The following DDHD1 variants were observed in gnomAD, a reference collection of about 807,000 sequenced individuals.
DDHD1 encodes DDHD domain containing 1.
Under a neutral mutation model 96.4 loss-of-function variants are expected in DDHD1, and 49 were observed. The ratio of observed to expected loss-of-function variants is 0.51; its 90% CI spans 0.40 to 0.64. The LOEUF (loss-of-function observed/expected upper bound fraction) is 0.64. DDHD1 is among the 30% of genes least tolerant of loss of function. DDHD1 has a pLI of 0.00. For synonymous variants in DDHD1, 442 were observed against 446.5 expected, an observed-to-expected ratio of 0.99 and a Z score of 0.13; for missense variants, 1,106 against 1,161.2, an observed-to-expected ratio of 0.95 and a Z score of 0.69.
chr14:53,122,740 T>C (rs1166278053), intron 1 of DDHD1, among the ~76,000 whole-genome samples: 7 of 151,934 alleles, frequency 4.6e-5, no homozygotes, highest in Non-Finnish European at 4.4e-5. Context: ...TTTTTTAATT[T>C]TTATTTTTAG....
rs567891354 is a variant in DDHD1, at chr14:53,051,800, C to T, written c.2521+44G>A. The stretch of plus-strand genomic sequence containing the variant: ...ATAAGCAGAAGAACTCTAAGTAGAT[C>T]ATTTTTATAGTATTCTGAATGCTAT... On this transcript the variant is annotated intron_variant, in intron 12 of 12. Transcript: ENST00000673822. 46 of 1,473,536 alleles carry T rather than the reference C, an allele frequency of 3.1e-5. No homozygotes were observed. In the African/African-American group the frequency reaches 4.1e-4, roughly 13 times the overall value. The allele number at this position is 1,473,536 out of a possible 1,614,324, so 91.3% of individuals were successfully genotyped here. A position where few individuals can be genotyped will look rare whatever the true frequency, so the allele number is the denominator to read the frequency against.
At chr14:53,079,261 G>C (rs1006394002) in intron 4 of DDHD1, among the ~76,000 whole-genome samples, 1 of 151,994 alleles carries the variant, frequency 6.6e-6, no homozygotes, top group Non-Finnish European at 1.5e-5. Flanking sequence ...TTTTTAGAGA[G>C]TTTGTAGAGA....
At chr14:53,096,647 A>G (rs1886905065) in intron 2 of DDHD1, among the ~76,000 whole-genome samples, 1 of 151,984 alleles carries the variant, frequency 6.6e-6, no homozygotes, top group Non-Finnish European at 1.5e-5. Context: ...TACATATCTA[A>G]TGCAACCTTC....
intron 1 of DDHD1, among the ~76,000 whole-genome samples, chr14:53,149,324 G>A (rs540211856): frequency 4.1e-4 from 62 of 152,274 alleles, no homozygotes; most frequent in Non-Finnish European, 8.4e-4. Context: ...ATTCTACATA[G>A]GAACTTACTG....
In DDHD1 at chr14:53,152,286, TC is replaced by T; in HGVS notation, c.812del (p.Gly271GlufsTer16). On this transcript the variant is annotated frameshift_variant, in exon 1 of 13. Coordinates refer to ENST00000673822, the MANE Select transcript of DDHD1 (RefSeq NM_001160148.2). LOFTEE classifies it high-confidence loss of function. Reference protein sequence around the residue: ...GGLYEVDVTQGECYPVYWNQA... With the variant: ...GGLYEVDVTQXECYPVYWNQA... ...GGTTCCAGTACACCGGGTAGCACTCTCCTTGGGTCACATCCACCTCGTAGAG... is the reference window on the plus strand; with the variant it reads ...GGTTCCAGTACACCGGGTAGCACTCTCTTGGGTCACATCCACCTCGTAGAG... The T allele has an allele frequency of 6.2e-7, 1 of 1,612,340 alleles. No homozygotes were observed. The highest frequency in any genetic ancestry group is 8.5e-7 in the Non-Finnish European group (1 of 1,179,130).
chr14:53,110,048 C>T (rs1411053536), intron 1 of DDHD1, among the ~76,000 whole-genome samples: 1 of 152,200 alleles, frequency 6.6e-6, no homozygotes, highest in Non-Finnish European at 1.5e-5. Flanking sequence ...CCTGCATTCC[C>T]TATCACAGTG....
At chr14:53,112,170 A>G (rs1888158172) in intron 1 of DDHD1, among the ~76,000 whole-genome samples, 1 of 152,124 alleles carries the variant, frequency 6.6e-6, no homozygotes, top group Non-Finnish European at 1.5e-5. Flanking sequence ...TAATCCCAGC[A>G]CTCTGAGAGG....
At chr14:53,050,888 T>A (rs928304842) in intron 12 of DDHD1, among the ~76,000 whole-genome samples, 8 of 152,008 alleles carry the variant, frequency 5.3e-5, no homozygotes, top group African/African-American at 1.9e-4. Flanking sequence ...CAAATATGAA[T>A]GAATTAATTT....
chr14:53,044,811 T>C lies in DDHD1; in HGVS notation c.*1957A>G, dbSNP rs1385369884. Reference sequence around the variant, plus strand: ...AAAACAGCCAACAGTACTGAAGCACTAAGTAAAACCTACAAGTAAGCCACA... The same window carrying C: ...AAAACAGCCAACAGTACTGAAGCACCAAGTAAAACCTACAAGTAAGCCACA... On this transcript the variant is annotated 3_prime_UTR_variant, in exon 13 of 13. Coordinates refer to ENST00000673822, the MANE Select transcript of DDHD1 (RefSeq NM_001160148.2). 1 of 152,188 alleles carries C rather than the reference T, an allele frequency of 6.6e-6. No individual in the cohort carries two copies. Among genetic ancestry groups the C allele is most frequent in the African/African-American group, 2.4e-5 (1 of 41,456 alleles). The allele number at this position is 152,188 out of a possible 1,614,324, so 9.4% of individuals were successfully genotyped here.
Position 53,063,242 on chromosome 14 carries a change from G to A in DDHD1, c.1504-37C>T, listed in dbSNP as rs763176538. Reference sequence around the variant, plus strand: ...AAGAAAACATTATCATATTAGACTTGTCACTGACTACTATACACTTATTCT... The same window carrying A: ...AAGAAAACATTATCATATTAGACTTATCACTGACTACTATACACTTATTCT... On this transcript the variant is annotated intron_variant, in intron 6 of 12. Transcript: ENST00000673822. 4 of 1,595,604 alleles carry A rather than the reference G, an allele frequency of 2.5e-6. No homozygotes were observed. In the East Asian group the frequency reaches 8.9e-5, roughly 36 times the overall value.
At position 53,047,025 on chromosome 14, in the gene DDHD1, G is replaced by C. The variant is rs1014534044; in HGVS notation, c.2522-76C>G. 2.4e-5 allele frequency: 29 copies of C among 1,202,242 alleles called. No individual in the cohort carries two copies. The African/African-American group carries it at 4.4e-4, about 18-fold the overall frequency. The allele number at this position is 1,202,242 out of a possible 1,614,324, so 74.5% of individuals were successfully genotyped here. On this transcript the variant is annotated intron_variant, in intron 12 of 12. Transcript: ENST00000673822. Reference sequence around the variant, plus strand: ...TTCTATATAGACTTACTGGAGTTGAGAGTAAAAATTTAGCTAAATAGAAGT... The same window carrying C: ...TTCTATATAGACTTACTGGAGTTGACAGTAAAAATTTAGCTAAATAGAAGT...
rs1193084267 is a variant in DDHD1, at chr14:53,103,848, T to C, written c.847A>G (p.Lys283Glu). The C allele has an allele frequency of 5.0e-6, 8 of 1,594,080 alleles. No individual in the cohort carries two copies. The East Asian group carries it at 1.8e-4, about 36-fold the overall frequency. Residue 283 changes from lysine to glutamate, a missense_variant, in exon 2 of 13, where the codon AAA becomes GAA. By Grantham distance (56) the Lys-to-Glu change is moderately conservative (BLOSUM62 1). Around this residue, in one of 2 missense-constraint regions of DDHD1, gnomAD observed 650 missense variants for 758.8 expected, o/e 0.86. Transcript: ENST00000673822. Reference protein sequence around the residue: ...CYPVYWNQADKIPVMRGQWFI... With the variant: ...CYPVYWNQADEIPVMRGQWFI... ...CACTGTCCACGCATTACTGGTATTT[T>C]ATCAGCCTCTGAAAAAGAGAAATCA...
Position 53,052,185 on chromosome 14 carries a change from T to C in DDHD1, c.2438-258A>G, listed in dbSNP as rs1882645259. Among the ~76,000 whole-genome samples, 5 of 152,096 alleles carry C rather than the reference T, an allele frequency of 3.3e-5. 1 individual carries two copies. The South Asian group carries it at 1.0e-3, about 32-fold the overall frequency. On this transcript the variant is annotated intron_variant, in intron 11 of 12. Coordinates refer to ENST00000673822, the MANE Select transcript of DDHD1 (RefSeq NM_001160148.2). ...TTCATAGCTAATTTAGTTCCTAACC[T>C]AGATGCAAAACAATGCTAAAAGAAA... is the stretch of plus-strand genomic sequence containing the variant.
chr14:53,153,135 G>T lies in DDHD1; in HGVS notation c.-37C>A. 1 of 1,363,310 alleles carries T rather than the reference G, an allele frequency of 7.3e-7. No homozygotes were observed. Among genetic ancestry groups the T allele is most frequent in the African/African-American group, 1.5e-5 (1 of 64,834 alleles). 84.5% of individuals were successfully genotyped at this position (1,363,310 alleles called of 1,614,324 possible). A position where few individuals can be genotyped will look rare whatever the true frequency, so the allele number is the denominator to read the frequency against. ...GCCGCCGGCTGTCCGGCGGCGCGCG[G>T]AGCCGTGACCCCCAGCGCTTCCGCC... On this transcript the variant is annotated 5_prime_UTR_variant, in exon 1 of 13. Transcript: ENST00000673822.
At position 53,071,057 on chromosome 14, in the gene DDHD1, CTT is replaced by C. The variant is rs1296225212; in HGVS notation, c.1503+1538_1503+1539del. ...TATAGTACCTGTAATAACAGTAACT[CTT>C]GACTACCATGTGCCACATGTTAATA... On this transcript the variant is annotated intron_variant, in intron 6 of 12. Transcript: ENST00000673822. 6.6e-5 allele frequency among the ~76,000 whole-genome samples: 10 copies of C among 152,186 alleles called. No individual in the cohort carries two copies. In the East Asian group the frequency reaches 1.9e-3, roughly 29 times the overall value.
Position 53,054,564 on chromosome 14 carries a change from T to C in DDHD1, c.2311A>G (p.Thr771Ala). Reference sequence around the variant, plus strand: ...TCTTTTGATGTTTCAGATGACTGTGTTGTAGATGAACGTCCAAATCTTGAG... The same window carrying C: ...TCTTTTGATGTTTCAGATGACTGTGCTGTAGATGAACGTCCAAATCTTGAG... ...LFSRFGRSST[T>A]QSSETSKDSM... Residue 771 changes from threonine (T) to alanine (A), a missense_variant, in exon 11 of 13, where the codon ACA becomes GCA. Around this residue, in one of 2 missense-constraint regions of DDHD1, gnomAD observed 650 missense variants for 758.8 expected, o/e 0.86. Coordinates refer to ENST00000673822, the MANE Select transcript of DDHD1 (RefSeq NM_001160148.2). The C allele has an allele frequency of 6.2e-7, 1 of 1,614,106 alleles. No individual in the cohort carries two copies. Among genetic ancestry groups the C allele is most frequent in the Non-Finnish European group, 8.5e-7 (1 of 1,179,970 alleles).
intron 6 of DDHD1, among the ~76,000 whole-genome samples, chr14:53,064,471 T>C (rs1406455152): frequency 6.6e-6 from 1 of 152,094 alleles, no homozygotes; most frequent in Non-Finnish European, 1.5e-5. Context: ...ACACTACCAG[T>C]AATTAACCTA....
chr14:53,153,227 G>A lies in DDHD1; in HGVS notation c.-129C>T. On this transcript the variant is annotated 5_prime_UTR_variant, in exon 1 of 13. Coordinates refer to ENST00000673822, the MANE Select transcript of DDHD1 (RefSeq NM_001160148.2). ...TCTTTCAAATCCCGACCCGAGCTGC[G>A]GCGGCAGCGGCGACCGCTCCGCCCC... 2.4e-6 allele frequency: 2 copies of A among 829,476 alleles called. No individual in the cohort carries two copies. The highest frequency in any genetic ancestry group is 3.6e-5 in the African/African-American group (2 of 55,300). The allele number at this position is 829,476 out of a possible 1,614,324, so 51.4% of individuals were successfully genotyped here. A position where few individuals can be genotyped will look rare whatever the true frequency, so the allele number is the denominator to read the frequency against.
intron 1 of DDHD1, among the ~76,000 whole-genome samples, chr14:53,118,747 T>C (rs1348866001): frequency 2.0e-5 from 3 of 152,148 alleles, no homozygotes; most frequent in South Asian, 2.1e-4. Flanking sequence ...TTCAGGATAT[T>C]ATCCAGGAGA....
Sources: gnomAD v4.1 joint callset for allele counts (sites outside exome capture counted in the v4.1 genomes callset) on GRCh38, gnomAD v4.1.1 for gene constraint, gnomAD v4.1.1 regional missense constraint, MANE v1.5 for transcripts, NCBI Gene and HGNC (gene_info 2026-07-23, HGNC 2026-07-21) for gene names.